Variants in HIBCH observed in about 807,000 individuals in gnomAD.
The protein encoded by HIBCH is 3-hydroxyisobutyryl-CoA hydrolase, mitochondrial.
HIBCH carries 50 observed loss-of-function variants against 58.2 expected under a neutral mutation model. That is an observed-to-expected ratio of 0.86 (90% CI 0.68 to 1.09). The LOEUF (loss-of-function observed/expected upper bound fraction) is 1.09, where lower values mean the gene tolerates loss of function less well. Ranked by LOEUF, HIBCH falls within the 50% of genes least tolerant of loss-of-function variation. The pLI is 0.00. For synonymous variants in HIBCH, 151 were observed against 146.9 expected, an observed-to-expected ratio of 1.03 and a Z score of -0.20; for missense variants, 450 against 449.7, an observed-to-expected ratio of 1.00 and a Z score of -0.01.
chr2:190,306,254 G>T lies in HIBCH; in HGVS notation c.78+4500C>A, dbSNP rs890911052. ...CTGAGGGATGCAATCTGGCATAAGC[G>T]CTGGAAATTTCTCTGTACCTTACTG... On this transcript the variant is annotated intron_variant, in intron 2 of 13. Coordinates refer to ENST00000359678, the MANE Select transcript of HIBCH (RefSeq NM_014362.4). The surrounding 1 kb of genome is among the most constrained non-coding windows in gnomAD (Gnocchi z 4.6). 6.6e-6 allele frequency among the ~76,000 whole-genome samples: 1 copy of T among 152,052 alleles called. No individual in the cohort carries two copies. Among genetic ancestry groups the T allele is most frequent in the Non-Finnish European group, 1.5e-5 (1 of 68,030 alleles).
At position 190,207,307 on chromosome 2, in the gene HIBCH, T is replaced by C. The variant is rs1285449803; in HGVS notation, c.1045+1573A>G. 6.6e-6 allele frequency among the ~76,000 whole-genome samples: 1 copy of C among 152,210 alleles called. No homozygotes were observed. Among genetic ancestry groups the C allele is most frequent in the Admixed American group, 6.5e-5 (1 of 15,272 alleles). Reference sequence around the variant, plus strand: ...AATACTTTAACAATATAACCCTGTATGCTTACAGGTCCTCTAAAATCAGAG... The same window carrying C: ...AATACTTTAACAATATAACCCTGTACGCTTACAGGTCCTCTAAAATCAGAG... On this transcript the variant is annotated intron_variant, in intron 13 of 13. Coordinates refer to ENST00000359678, the MANE Select transcript of HIBCH (RefSeq NM_014362.4). The surrounding 1 kb of genome is among the most constrained non-coding windows in gnomAD (Gnocchi z 4.5).
chr2:190,205,347 T>C (rs1690365421), intron 13 of HIBCH, 115 bp from the exon 14 acceptor site: 1 of 662,836 alleles, frequency 1.5e-6, no homozygotes, highest in East Asian at 2.8e-5. Context: ...TCATACTTTT[T>C]TCCTGCAAAA....
At chr2:190,310,936 T>G in intron 1 of HIBCH, 140 bp from the exon 2 acceptor site, 1 of 718,518 alleles carries the variant, frequency 1.4e-6, no homozygotes, top group East Asian at 2.7e-5. Context: ...TAGCTCTCAT[T>G]CACTGCTGGT....
intron 2 of HIBCH, among the ~76,000 whole-genome samples, chr2:190,299,249 T>A (rs943085172): frequency 1.3e-5 from 2 of 152,264 alleles, no homozygotes; most frequent in African/African-American, 4.8e-5. Flanking sequence ...CACGTTTATA[T>A]AACGTTTAAG....
Position 190,207,319 on chromosome 2 carries a change from C to G in HIBCH, c.1045+1561G>C, listed in dbSNP as rs73979000. Among the ~76,000 whole-genome samples the G allele has an allele frequency of 0.012, 1,897 of 152,154 alleles. 47 individuals carry two copies. Among genetic ancestry groups the G allele is most frequent in the African/African-American group, 0.042 (1,743 of 41,502 alleles). ...ATATAACCCTGTATGCTTACAGGTC[C>G]TCTAAAATCAGAGTTCTAGGCTGTA... is the stretch of plus-strand genomic sequence containing the variant. On this transcript the variant is annotated intron_variant, in intron 13 of 13. Transcript: ENST00000359678. This position sits in a 1 kb window ranked among gnomAD's most constrained non-coding sequence, Gnocchi z 4.5.
intron 11 of HIBCH, among the ~76,000 whole-genome samples, chr2:190,237,855 G>A (rs1575714742): frequency 6.6e-6 from 1 of 151,288 alleles, no homozygotes; most frequent in Admixed American, 6.6e-5. Flanking sequence ...AGTGTGTGAT[G>A]TTCCCCTCCC....
At chr2:190,192,796 A>C in intron 1 of HIBCH, among the ~76,000 whole-genome samples, 1 of 152,206 alleles carries the variant, frequency 6.6e-6, no homozygotes, top group East Asian at 1.9e-4. Context: ...ATGCTATTGC[A>C]AATGGCATTA....
rs115463491 is a variant in HIBCH at position 190,263,484 on chromosome 2, T to C, written c.439-2250A>G. ...GACCTGCCACAATAATTAGATGTCA[T>C]CCTTCTACTCCACTTCACTCTACCC... On this transcript the variant is annotated intron_variant, in intron 6 of 13. Transcript: ENST00000359678. Among the ~76,000 whole-genome samples the C allele has an allele frequency of 6.4e-3, 974 of 152,232 alleles. 12 individuals are homozygous for C. Among genetic ancestry groups the C allele is most frequent in the African/African-American group, 0.022 (929 of 41,530 alleles).
Position 190,212,945 on chromosome 2 carries a change from T to TAAAAA in HIBCH, c.1011+10_1011+11insTTTTT. 6.2e-7 allele frequency: 1 copy of TAAAAA among 1,605,318 alleles called. No homozygotes were observed. Among genetic ancestry groups the TAAAAA allele is most frequent in the South Asian group, 1.1e-5 (1 of 90,688 alleles). On this transcript the variant is annotated intron_variant, in intron 12 of 13. Coordinates refer to ENST00000359678, the MANE Select transcript of HIBCH (RefSeq NM_014362.4). ...GAACTAAAAAATGACATTTTTTTTT[T>TAAAAA]AAATTCTTACCATACAAGCTTGACT...
intron 1 of HIBCH, among the ~76,000 whole-genome samples, chr2:190,191,788 T>C (rs1689720813): frequency 6.6e-6 from 1 of 152,258 alleles, no homozygotes; most frequent in South Asian, 2.1e-4. Flanking sequence ...CCTAAATCTT[T>C]CAAATCTCGT....
chr2:190,239,599 T>A (rs1037541944), intron 11 of HIBCH, among the ~76,000 whole-genome samples: 2 of 152,054 alleles, frequency 1.3e-5, no homozygotes, highest in Admixed American at 6.6e-5. Flanking sequence ...AAGCATAGAA[T>A]GTTTATCCAT....
In HIBCH at chr2:190,205,072, G is replaced by T; in HGVS notation, c.*45C>A. 9.3e-7 allele frequency: 1 copy of T among 1,075,726 alleles called. No homozygotes were observed. Among genetic ancestry groups the T allele is most frequent in the Non-Finnish European group, 1.4e-6 (1 of 698,120 alleles). 66.6% of individuals were successfully genotyped at this position (1,075,726 alleles called of 1,614,324 possible). A position where few individuals can be genotyped will look rare whatever the true frequency, so the allele number is the denominator to read the frequency against. Reference sequence around the variant, plus strand: ...GGCTGGATTTGGCCCACATGCTGTAGATTGCCAACCCATGCTACAAAATAT... The same window carrying T: ...GGCTGGATTTGGCCCACATGCTGTATATTGCCAACCCATGCTACAAAATAT... On this transcript the variant is annotated 3_prime_UTR_variant, in exon 14 of 14. Transcript: ENST00000359678.
chr2:190,208,530 A>T (rs1455477847), intron 13 of HIBCH: 3 of 332,302 alleles, frequency 9.0e-6, no homozygotes, highest in Non-Finnish European at 1.7e-5. Context: ...TCCTTTTCAT[A>T]TCCCAGATGG....
chr2:190,298,994 A>C (rs543328764), intron 2 of HIBCH, among the ~76,000 whole-genome samples: 3 of 152,292 alleles, frequency 2.0e-5, no homozygotes, highest in Admixed American at 6.5e-5. Context: ...CCATTTATTA[A>C]ATAGGAAATG....
intron 1 of HIBCH, among the ~76,000 whole-genome samples, chr2:190,190,304 A>G (rs1456448019): frequency 2.0e-5 from 3 of 152,230 alleles, no homozygotes; most frequent in Non-Finnish European, 2.9e-5. Context: ...CTTGAAATTC[A>G]TATAAATATG....
intron 4 of HIBCH, among the ~76,000 whole-genome samples, chr2:190,293,075 C>T (rs183830630): frequency 6.6e-6 from 1 of 152,294 alleles, no homozygotes; most frequent in African/African-American, 2.4e-5. Context: ...GGCCTATATG[C>T]AGAAATAGCT....
At chr2:190,258,309 A>AC (rs1686985708) in intron 7 of HIBCH, among the ~76,000 whole-genome samples, 1 of 151,890 alleles carries the variant, frequency 6.6e-6, no homozygotes, top group Non-Finnish European at 1.5e-5. Context: ...AGCCAATTAA[A>AC]CCTCTTTTCT....
At chr2:190,309,956 G>A (rs1401595519) in intron 2 of HIBCH, among the ~76,000 whole-genome samples, 1 of 152,094 alleles carries the variant, frequency 6.6e-6, no homozygotes, top group Non-Finnish European at 1.5e-5. Flanking sequence ...CATTCAAGTC[G>A]GTGGACTGGG....
At chr2:190,242,260 C>T (rs1686475405) in intron 11 of HIBCH, among the ~76,000 whole-genome samples, 1 of 151,544 alleles carries the variant, frequency 6.6e-6, no homozygotes, top group South Asian at 2.1e-4. Context: ...GTTATTGATA[C>T]TCGTTCTTCA....
Sources: gnomAD v4.1 joint callset for allele counts (sites outside exome capture counted in the v4.1 genomes callset) on GRCh38, gnomAD v4.1.1 for gene constraint, Gnocchi (gnomAD v3.1) non-coding constraint, MANE v1.5 for transcripts, NCBI Gene and HGNC (gene_info 2026-07-23, HGNC 2026-07-21) for gene names.